Variants in SECISBP2L observed in about 807,000 individuals in gnomAD.
SECISBP2L encodes the protein SECIS binding protein 2 like.
Under a neutral mutation model 114.7 loss-of-function variants are expected in SECISBP2L, and 43 were observed. The observed-to-expected ratio is 0.38, with a 90% CI of 0.29 to 0.48. SECISBP2L has a LOEUF of 0.48. Among genes scored for constraint, SECISBP2L ranks in the 20% least tolerant of loss-of-function variants. The probability of loss-of-function intolerance (pLI) is 0.98; values close to 1 mark genes in which losing one functional copy is unlikely to be tolerated. For missense variants in SECISBP2L, 1,136 were observed against 1,301.1 expected (o/e 0.87, Z 1.95); for synonymous variants, 451 against 439.7 (o/e 1.03, Z -0.32).
chr15:49,028,456 C>A lies in SECISBP2L; in HGVS notation c.891G>T (p.Met297Ile), dbSNP rs752482865. 6.8e-6 allele frequency: 11 copies of A among 1,613,918 alleles called. No homozygotes were observed. Among genetic ancestry groups the A allele is most frequent in the Middle Eastern group, 1.6e-4 (1 of 6,062 alleles). ...AAATCAAGACGATGTCACATACATT[C>A]ATGGTCCCAGAATCAGGATTTCTCA... ...GALRNPDSGTMNHVESSMCAG... is the reference protein window; with the variant it reads ...GALRNPDSGTINHVESSMCAG... The change falls in exon 5 of 18, where the codon ATG becomes ATT. Residue 297 changes from methionine to isoleucine, a missense_variant. This residue lies in a region of SECISBP2L where 452 missense variants were observed against 452.3 expected (regional missense o/e 1.00). Coordinates refer to ENST00000559471, the MANE Select transcript of SECISBP2L (RefSeq NM_001193489.2).
intron 1 of SECISBP2L, among the ~76,000 whole-genome samples, chr15:49,038,044 T>C (rs922450120): frequency 2.0e-5 from 3 of 152,190 alleles, no homozygotes; most frequent in Non-Finnish European, 4.4e-5. Flanking sequence ...ACAGAAGTTA[T>C]ACCTCAGGTT....
chr15:49,044,435 A>C (rs532991164), intron 1 of SECISBP2L, among the ~76,000 whole-genome samples: 101 of 152,300 alleles, frequency 6.6e-4, no homozygotes, highest in Non-Finnish European at 1.1e-3. Context: ...AGAAAAAGGC[A>C]TATAAAGAAG....
At position 49,035,411 on chromosome 15, in the gene SECISBP2L, G is replaced by T. The variant is rs1902984340; in HGVS notation, c.451C>A (p.Pro151Thr). 1 of 1,614,194 alleles carries T rather than the reference G, an allele frequency of 6.2e-7. No homozygotes were observed. The highest frequency in any genetic ancestry group is 8.5e-7 in the Non-Finnish European group (1 of 1,180,024). The change falls in exon 3 of 18, where the codon CCA becomes ACA. Residue 151 changes from proline to threonine, a missense_variant. Physicochemically the swap from Pro to Thr is conservative, Grantham distance 38. Transcript: ENST00000559471. ...NAITTECTER[P>T]SQLGQVFPLS... is the part of the protein sequence containing the mutation. ...GGGAAGACCTGTCCAAGCTGACTTG[G>T]ACGCTCAGTGCATTCTGTGGTGATA...
chr15:48,990,565 C>T lies in SECISBP2L; in HGVS notation c.*1679G>A, dbSNP rs1187053706. 6.6e-6 allele frequency: 1 copy of T among 152,574 alleles called. No homozygotes were observed. Among genetic ancestry groups the T allele is most frequent in the East Asian group, 1.9e-4 (1 of 5,196 alleles). 9.5% of individuals were successfully genotyped at this position (152,574 alleles called of 1,614,324 possible). A position where few individuals can be genotyped will look rare whatever the true frequency, so the allele number is the denominator to read the frequency against. Reference sequence around the variant, plus strand: ...AAAGTTGATTGACTAACATTTTCTACACAGCTCCTGAACTTTCACAATTCA... The same window carrying T: ...AAAGTTGATTGACTAACATTTTCTATACAGCTCCTGAACTTTCACAATTCA... On this transcript the variant is annotated 3_prime_UTR_variant, in exon 18 of 18. Transcript: ENST00000559471.
chr15:49,023,237 A>G (rs1425357021), intron 7 of SECISBP2L, among the ~76,000 whole-genome samples: 1 of 152,220 alleles, frequency 6.6e-6, no homozygotes, highest in Non-Finnish European at 1.5e-5. Context: ...AACTGATTTT[A>G]AAATGTACCC....
chr15:49,028,413 T>C (rs1173359391), intron 5 of SECISBP2L, 40 bp downstream of exon 5: 1 of 1,571,698 alleles, frequency 6.4e-7, no homozygotes. Context: ...ATAATACTGA[T>C]ATCAATGACC....
In SECISBP2L at chr15:48,992,394, T is replaced by G. The variant is rs1901999703; in HGVS notation, c.3156A>C (p.Glu1052Asp). ...EDNVEQSGEE[E>D]AEAPEVLEPG... ...GCTCCAGCACCTCAGGCGCCTCTGCTTCCTCTTCTCCACTTTGCTCTACAT... is the reference window on the plus strand; with the variant it reads ...GCTCCAGCACCTCAGGCGCCTCTGCGTCCTCTTCTCCACTTTGCTCTACAT... Residue 1052 changes from glutamate (E) to aspartate (D), a missense_variant, in exon 18 of 18, where the codon GAA becomes GAC. Glu to Asp is a conservative substitution (Grantham distance 45, BLOSUM62 2). Transcript: ENST00000559471. 6.2e-7 allele frequency: 1 copy of G among 1,614,076 alleles called. No individual in the cohort carries two copies. Among genetic ancestry groups the G allele is most frequent in the South Asian group, 1.1e-5 (1 of 91,092 alleles).
At chr15:49,000,098 G>T in intron 15 of SECISBP2L, 111 bp from the exon 16 acceptor site, 1 of 1,092,380 alleles carries the variant, frequency 9.2e-7, no homozygotes, top group Non-Finnish European at 1.3e-6. Context: ...ATGAACACTT[G>T]TAGCACTTAA....
At chr15:49,045,395 A>G (rs1160206997) in intron 1 of SECISBP2L, among the ~76,000 whole-genome samples, 1 of 152,234 alleles carries the variant, frequency 6.6e-6, no homozygotes, top group Non-Finnish European at 1.5e-5. Flanking sequence ...TCCGTCATCT[A>G]GTCATCAATG....
intron 15 of SECISBP2L, among the ~76,000 whole-genome samples, chr15:49,000,667 C>T (rs970468902): frequency 6.6e-6 from 1 of 152,226 alleles, no homozygotes; most frequent in African/African-American, 2.4e-5. Flanking sequence ...AAATCTTCCA[C>T]TGGTGTTCAT....
intron 7 of SECISBP2L, among the ~76,000 whole-genome samples, chr15:49,023,423 T>C (rs1902682252): frequency 1.3e-5 from 2 of 152,230 alleles, no homozygotes; most frequent in Admixed American, 6.5e-5. Flanking sequence ...AAACGCACTA[T>C]ATCTGAAGCC....
In SECISBP2L at chr15:49,009,326, G is replaced by A; in HGVS notation, c.1917C>T (p.Asn639=). 1.2e-6 allele frequency: 2 copies of A among 1,614,162 alleles called. No individual in the cohort carries two copies. Among genetic ancestry groups the A allele is most frequent in the Non-Finnish European group, 1.7e-6 (2 of 1,180,008 alleles). ...SDTSLSPASQ[N]SPYCMTPVSQ... ...ACACAGGTGTCATACAGTATGGAGA[G>A]TTCTGACTTGCTGGAGAGAGTGAAG... The change falls in exon 14 of 18, where the codon AAC becomes AAT. Residue 639 remains asparagine (N), a synonymous_variant. Coordinates refer to ENST00000559471, the MANE Select transcript of SECISBP2L (RefSeq NM_001193489.2).
Position 49,043,611 on chromosome 15 carries a change from T to G in SECISBP2L, c.24+2665A>C, listed in dbSNP as rs533594169. Among the ~76,000 whole-genome samples the G allele has an allele frequency of 3.1e-3, 459 of 148,882 alleles. 2 individuals carry two copies. In the Middle Eastern group the frequency reaches 0.039, roughly 13 times the overall value. ...TCCTTCACATCTCAAAATGCAAGTT[T>G]TTTTTTTTTTTTCAGGGGAAAAAAT... On this transcript the variant is annotated intron_variant, in intron 1 of 17. Coordinates refer to ENST00000559471, the MANE Select transcript of SECISBP2L (RefSeq NM_001193489.2).
chr15:49,030,047 CA>C (rs11329699), intron 4 of SECISBP2L, among the ~76,000 whole-genome samples: 105,041 of 142,364 alleles, frequency 0.74, 38,496 homozygotes, highest in Middle Eastern at 0.8. Flanking sequence ...CAAGACAGTC[CA>C]AAAAAAAAAA....
At chr15:49,041,663 A>T (rs1903134217) in intron 1 of SECISBP2L, among the ~76,000 whole-genome samples, 1 of 152,174 alleles carries the variant, frequency 6.6e-6, no homozygotes, top group South Asian at 2.1e-4. Flanking sequence ...ACCCACTTAA[A>T]ATCAAAACTG....
At chr15:49,011,698 C>G (rs757851435) in intron 13 of SECISBP2L, 33 bp downstream of exon 13, 3 of 1,611,232 alleles carry the variant, frequency 1.9e-6, no homozygotes, top group African/African-American at 2.7e-5. Flanking sequence ...TCAGACCATT[C>G]CATGAGAAGA....
At chr15:48,995,066 T>G (rs1195787359) in intron 17 of SECISBP2L, among the ~76,000 whole-genome samples, 1 of 152,142 alleles carries the variant, frequency 6.6e-6, no homozygotes, top group Non-Finnish European at 1.5e-5. Flanking sequence ...TTTGAACACT[T>G]TGAATCTGGT....
intron 4 of SECISBP2L, among the ~76,000 whole-genome samples, chr15:49,029,665 G>T (rs544975503): frequency 2.0e-5 from 3 of 152,244 alleles, no homozygotes; most frequent in South Asian, 4.2e-4. Context: ...TTTCTCTAAG[G>T]TAAATACTGC....
intron 3 of SECISBP2L, among the ~76,000 whole-genome samples, chr15:49,033,662 C>T (rs1260698461): frequency 6.6e-6 from 1 of 151,988 alleles, no homozygotes; most frequent in Non-Finnish European, 1.5e-5. Flanking sequence ...CACAGAGACC[C>T]CCAATCGCTA....
Sources: gnomAD v4.1 joint callset for allele counts (sites outside exome capture counted in the v4.1 genomes callset) on GRCh38, gnomAD v4.1.1 for gene constraint, gnomAD v4.1.1 regional missense constraint, MANE v1.5 for transcripts, NCBI Gene and HGNC (gene_info 2026-07-23, HGNC 2026-07-21) for gene names.